Variants in DIAPH3 observed in about 807,000 individuals in gnomAD.
DIAPH3 encodes diaphanous related formin 3.
A neutral mutation model predicts 144.3 loss-of-function variants in DIAPH3; 117 were observed. The ratio of observed to expected loss-of-function variants is 0.81; its 90% CI spans 0.70 to 0.95. DIAPH3 has a LOEUF of 0.95. DIAPH3 is among the 40% of genes least tolerant of loss of function. The probability of loss-of-function intolerance (pLI) is 0.00; values close to 1 mark genes in which losing one functional copy is unlikely to be tolerated. For synonymous variants in DIAPH3, 519 were observed against 488.9 expected (o/e 1.06, Z -0.81); for missense variants, 1,421 against 1,412.7 (o/e 1.01, Z -0.09).
At chr13:59,897,935 C>T (rs2046213424) in intron 20 of DIAPH3, among the ~76,000 whole-genome samples, 1 of 151,384 alleles carries the variant, frequency 6.6e-6, no homozygotes, top group Admixed American at 6.6e-5. Flanking sequence ...AGTTCGAGAC[C>T]AGCCTGGCCA....
intron 4 of DIAPH3, among the ~76,000 whole-genome samples, chr13:60,087,013 T>C (rs902946870): frequency 3.3e-5 from 5 of 152,174 alleles, no homozygotes; most frequent in African/African-American, 1.2e-4. Context: ...GCATATAACA[T>C]TCACATCCTC....
intron 21 of DIAPH3, among the ~76,000 whole-genome samples, chr13:59,869,587 G>A (rs1210297965): frequency 6.6e-6 from 1 of 152,150 alleles, no homozygotes; most frequent in Admixed American, 6.6e-5. Flanking sequence ...TGTTGTTGAC[G>A]ATTAAGGATG....
chr13:59,934,910 A>G (rs538232927), intron 17 of DIAPH3, among the ~76,000 whole-genome samples: 1 of 152,296 alleles, frequency 6.6e-6, no homozygotes, highest in Non-Finnish European at 1.5e-5. Flanking sequence ...CCCTTGCTGT[A>G]CATGTTCACC....
chr13:59,829,521 C>T (rs568965375), intron 24 of DIAPH3, among the ~76,000 whole-genome samples: 1 of 151,986 alleles, frequency 6.6e-6, no homozygotes, highest in South Asian at 2.1e-4. Flanking sequence ...AATAACAGTA[C>T]ACATACCACA....
At chr13:60,020,021 T>G (rs746199303) in intron 5 of DIAPH3, among the ~76,000 whole-genome samples, 1 of 152,224 alleles carries the variant, frequency 6.6e-6, no homozygotes, top group African/African-American at 2.4e-5. Flanking sequence ...ATTACCCTTA[T>G]GATCTGGAAT....
At chr13:59,891,047 C>T (rs2140122615) in intron 20 of DIAPH3, among the ~76,000 whole-genome samples, 1 of 152,060 alleles carries the variant, frequency 6.6e-6, no homozygotes, top group East Asian at 1.9e-4. Flanking sequence ...TGATTTAGTT[C>T]CATAAGTCCA....
At chr13:60,062,539 C>G (rs1035195837) in intron 4 of DIAPH3, among the ~76,000 whole-genome samples, 1 of 152,106 alleles carries the variant, frequency 6.6e-6, no homozygotes, top group Admixed American at 6.6e-5. Flanking sequence ...CACAACCCCT[C>G]ATGAACATCA....
rs1327826086 is a variant in DIAPH3, at chr13:60,160,448, A to G, written c.180+3139T>C. On this transcript the variant is annotated intron_variant, in intron 1 of 27. Transcript: ENST00000400324. ...TTGAATGGACTGACCTACATCCTAG[A>G]GATGGACACTTCTAGAAGCCACATG... is the stretch of plus-strand genomic sequence containing the variant. 3.3e-5 allele frequency among the ~76,000 whole-genome samples: 5 copies of G among 152,180 alleles called. No individual in the cohort carries two copies. The South Asian group carries it at 8.3e-4, about 25-fold the overall frequency.
intron 4 of DIAPH3, among the ~76,000 whole-genome samples, chr13:60,086,348 C>T (rs9538562): frequency 0.014 from 2,160 of 152,124 alleles, 26 homozygotes; most frequent in Non-Finnish European, 0.023. Context: ...AAAACCTACC[C>T]TATATAGGAA....
chr13:59,880,623 C>G (rs562615540), intron 20 of DIAPH3, among the ~76,000 whole-genome samples: 133 of 152,048 alleles, frequency 8.7e-4, no homozygotes, highest in Middle Eastern at 3.4e-3. Flanking sequence ...TTATAAGACT[C>G]CAATATATTA....
intron 1 of DIAPH3, among the ~76,000 whole-genome samples, chr13:60,142,558 C>T (rs1222259093): frequency 6.6e-6 from 1 of 152,052 alleles, no homozygotes; most frequent in East Asian, 1.9e-4. Context: ...AAGGAGTCCC[C>T]CCAAGAGGTC....
Position 60,163,835 on chromosome 13 carries a change from G to C in DIAPH3, c.-69C>G. 1 of 1,525,694 alleles carries C rather than the reference G, an allele frequency of 6.6e-7. No homozygotes were observed. The highest frequency in any genetic ancestry group is 8.8e-7 in the Non-Finnish European group (1 of 1,139,244). The allele number at this position is 1,525,694 out of a possible 1,614,324, so 94.5% of individuals were successfully genotyped here. A position where few individuals can be genotyped will look rare whatever the true frequency, so the allele number is the denominator to read the frequency against. The stretch of plus-strand genomic sequence containing the variant: ...GCAAGCCGCAAGCTGGAAGCTGAGG[G>C]ATCGACAACAGGTTTTACTCCCGGG... On this transcript the variant is annotated 5_prime_UTR_variant, in exon 1 of 28. In the 5' UTR this introduces an upstream ATG that the reference lacks. Transcript: ENST00000400324.
rs752964998 is a variant in DIAPH3, at chr13:60,093,699, G to C, written c.424C>G (p.Pro142Ala). The stretch of plus-strand genomic sequence containing the variant: ...ATACTGAAGTCCTTTTCCCGCAATG[G>C]TGCCTTTTTATCTTCATTTAAATTC... The part of the protein sequence containing the change: ...DMNLNEDKKA[P>A]LREKDFSIKK... The change falls in exon 4 of 28, where the codon CCA becomes GCA. Residue 142 changes from proline (P) to alanine (A), a missense_variant. Pro to Ala is a conservative substitution (Grantham distance 27). Transcript: ENST00000400324. 1.2e-6 allele frequency: 2 copies of C among 1,612,624 alleles called. No individual in the cohort carries two copies. Among genetic ancestry groups the C allele is most frequent in the Non-Finnish European group, 8.5e-7 (1 of 1,179,432 alleles).
At chr13:59,965,952 A>G (rs1347782818) in intron 17 of DIAPH3, among the ~76,000 whole-genome samples, 2 of 152,210 alleles carry the variant, frequency 1.3e-5, no homozygotes, top group Non-Finnish European at 2.9e-5. Context: ...GGTATGAGAA[A>G]AAGAAAAAAC....
At chr13:60,139,780 A>G (rs1358636022) in intron 1 of DIAPH3, among the ~76,000 whole-genome samples, 1 of 152,180 alleles carries the variant, frequency 6.6e-6, no homozygotes, top group African/African-American at 2.4e-5. Context: ...AACTCATTCA[A>G]TGTTGGGGTA....
chr13:59,904,983 A>C (rs1243736125), intron 20 of DIAPH3, among the ~76,000 whole-genome samples: 1 of 152,138 alleles, frequency 6.6e-6, no homozygotes, highest in Non-Finnish European at 1.5e-5. Context: ...AAAGTCACCA[A>C]CTAAAAAAGA....
chr13:59,761,485 A>AT (rs1032947599), intron 27 of DIAPH3, among the ~76,000 whole-genome samples: 21 of 152,048 alleles, frequency 1.4e-4, no homozygotes, highest in East Asian at 3.9e-4. Flanking sequence ...CATTTCTATC[A>AT]TTTTTTTTCG....
intron 1 of DIAPH3, among the ~76,000 whole-genome samples, chr13:60,138,247 G>A (rs1224323382): frequency 1.3e-5 from 2 of 152,136 alleles, no homozygotes; most frequent in Non-Finnish European, 2.9e-5. Flanking sequence ...TAAGTCTAAG[G>A]TGGGACCTGG....
chr13:60,011,063 C>A (rs1329264709), intron 7 of DIAPH3, among the ~76,000 whole-genome samples: 1 of 151,866 alleles, frequency 6.6e-6, no homozygotes, highest in Non-Finnish European at 1.5e-5. Context: ...CAAGATCACG[C>A]CATTGCACTC....
Sources: allele counts gnomAD v4.1 joint callset (sites outside exome capture counted in the v4.1 genomes callset), GRCh38; gene constraint gnomAD v4.1.1; transcripts MANE v1.5; gene names NCBI Gene and HGNC (gene_info 2026-07-23, HGNC 2026-07-21).